Variants in SPATA20 observed in about 807,000 individuals in gnomAD.
SPATA20 encodes the protein spermatogenesis-associated protein 20.
Under a neutral mutation model 98.9 loss-of-function variants are expected in SPATA20, and 74 were observed. The observed-to-expected ratio is 0.75, with a 90% CI of 0.62 to 0.91. The LOEUF is 0.91. SPATA20 is among the 40% of genes least tolerant of loss of function. The pLI is 0.00. For missense variants in SPATA20, 1,016 were observed against 1,069.8 expected, an observed-to-expected ratio of 0.95 and a Z score of 0.70; for synonymous variants, 430 against 440.5, an observed-to-expected ratio of 0.98 and a Z score of 0.30.
chr17:50,552,269 C>G (rs2035029355), intron 14 of SPATA20, 89 bp downstream of exon 14: 10 of 1,044,890 alleles, frequency 9.6e-6, no homozygotes, highest in South Asian at 3.0e-5. Flanking sequence ...GCCCTCCTGG[C>G]TTTGTGTCTC....
Position 50,550,086 on chromosome 17 carries a change from A to G in SPATA20, c.964A>G (p.Asn322Asp). ...CTTGCATACCCTGAAAATGATGGCT[A>G]ACGGGGGCATCCGGGACCATGTGGG... ...MALHTLKMMA[N>D]GGIRDHVGQG... Residue 322 changes from asparagine to aspartate, a missense_variant, in exon 8 of 17, where the codon AAC becomes GAC. Asn to Asp is a conservative substitution (Grantham distance 23). Transcript: ENST00000006658. 16 of 1,612,478 alleles carry G rather than the reference A, an allele frequency of 9.9e-6. No individual in the cohort carries two copies. Among genetic ancestry groups the G allele is most frequent in the Non-Finnish European group, 1.4e-5 (16 of 1,179,218 alleles).
chr17:50,550,964 G>C (rs201599127), intron 11 of SPATA20, 34 bp from the exon 12 acceptor site: 3 of 1,612,076 alleles, frequency 1.9e-6, no homozygotes, highest in Admixed American at 1.7e-5. Context: ...CCTGCCAGGC[G>C]TGTGAGCTCG....
intron 14 of SPATA20, among the ~76,000 whole-genome samples, chr17:50,553,203 A>G (rs866831388): frequency 6.6e-6 from 1 of 152,200 alleles, no homozygotes; most frequent in Non-Finnish European, 1.5e-5. Flanking sequence ...CTCCTCAAAG[A>G]TCAGGACTTT....
rs751073977 is a variant in SPATA20, at chr17:50,550,316, AC to A, written c.1098+8del. 647 of 1,569,108 alleles carry A rather than the reference AC, an allele frequency of 4.1e-4. No individual in the cohort carries two copies. Among genetic ancestry groups the A allele is most frequent in the Non-Finnish European group, 4.0e-4 (457 of 1,152,544 alleles). ...GGCCTATTCGCAGGCCTTCCAGGTG[AC>A]CCCTGACCCCAGCCCAGAGAACAGG... is the stretch of plus-strand genomic sequence containing the variant. On this transcript the variant is annotated splice_donor_5th_base_variant and intron_variant, in intron 9 of 16. Coordinates refer to ENST00000006658, the MANE Select transcript of SPATA20 (RefSeq NM_022827.4).
rs3062812 is a variant in SPATA20, at chr17:50,554,885, CTGTGTGTGTGTG to C, written c.2158-314_2158-303del. Reference sequence around the variant, plus strand: ...GTATCTGCCTCTGTGTGGGCATCTACTGTGTGTGTGTGTGTGTGTGTGTGTGTGTGTGTGTGT... The same window carrying C: ...GTATCTGCCTCTGTGTGGGCATCTACTGTGTGTGTGTGTGTGTGTGTGTGT... On this transcript the variant is annotated intron_variant, in intron 15 of 16. Transcript: ENST00000006658. Among the ~76,000 whole-genome samples the C allele has an allele frequency of 5.3e-3, 748 of 141,542 alleles. 8 individuals carry two copies. Among genetic ancestry groups the C allele is most frequent in the African/African-American group, 0.017 (669 of 39,664 alleles). The allele number at this position is 141,542 out of a possible 152,430, so 92.9% of individuals were successfully genotyped here. A position where few individuals can be genotyped will look rare whatever the true frequency, so the allele number is the denominator to read the frequency against.
rs369765608 is a variant in SPATA20, at chr17:50,551,120, G to A, written c.1506G>A (p.Glu502=). The A allele has an allele frequency of 9.9e-6, 16 of 1,612,308 alleles. No individual in the cohort carries two copies. In the African/African-American group the frequency reaches 1.9e-4, roughly 19 times the overall value. ...GGACCTTGCTCAATTCAGGGCTGGA[G>A]AAGCTCTTCCAGGCCCGGAAGCATC... The part of the protein sequence containing the change: ...AVRTLLNSGL[E]KLFQARKHRP... Residue 502 remains glutamate, a synonymous_variant, in exon 12 of 17, where the codon GAG becomes GAA. Coordinates refer to ENST00000006658, the MANE Select transcript of SPATA20 (RefSeq NM_022827.4).
At position 50,554,364 on chromosome 17, in the gene SPATA20, G is replaced by A. The variant is rs186285074; in HGVS notation, c.2071G>A (p.Ala691Thr). The A allele has an allele frequency of 6.2e-6, 10 of 1,614,144 alleles. No individual in the cohort carries two copies. In the African/African-American group the frequency reaches 1.1e-4, roughly 17 times the overall value. ...WMDKCVCLLT[A>T]FSERMRRVPV... is the part of the protein sequence containing the mutation. ...GGACAAGTGTGTGTGCCTATTGACC[G>A]CCTTTTCCGAGCGCATGCGTCGTGT... Residue 691 changes from alanine (A) to threonine (T), a missense_variant, in exon 15 of 17, where the codon GCC (alanine) becomes ACC (threonine). By Grantham distance (58) the Ala-to-Thr change is moderately conservative. Transcript: ENST00000006658.
Position 50,548,598 on chromosome 17 carries a change from A to G in SPATA20, c.341A>G (p.Asn114Ser). Reference protein sequence around the residue: ...QEAFDKARKENKPIFLSVGYS... With the variant: ...QEAFDKARKESKPIFLSVGYS... ...GCCTTCGACAAGGCCAGGAAGGAAA[A>G]CAAGCCGATTTTCCTCTCAGGTAAT... Residue 114 changes from asparagine (N) to serine (S), a missense_variant, in exon 4 of 17, where the codon AAC becomes AGC. Transcript: ENST00000006658. The G allele has an allele frequency of 6.2e-7, 1 of 1,613,454 alleles. No individual in the cohort carries two copies. Among genetic ancestry groups the G allele is most frequent in the Non-Finnish European group, 8.5e-7 (1 of 1,179,834 alleles).
In SPATA20 at chr17:50,551,627, G is replaced by A; in HGVS notation, c.1693G>A (p.Gly565Ser). 6.2e-7 allele frequency: 1 copy of A among 1,603,312 alleles called. No individual in the cohort carries two copies. ...GCGGCACATGTTTGATGTGGCCAGT[G>A]GCCGCCTGATGCGGACCTGCTACAC... is the stretch of plus-strand genomic sequence containing the variant. ...LKRHMFDVAS[G>S]RLMRTCYTGP... The change falls in exon 13 of 17, where the codon GGC becomes AGC. Residue 565 changes from glycine (G) to serine (S), a missense_variant. Transcript: ENST00000006658.
At chr17:50,547,562 TC>T (rs1268110285) in intron 1 of SPATA20, 157 bp from the exon 2 acceptor site, 20 of 704,924 alleles carry the variant, frequency 2.8e-5, no homozygotes, top group Non-Finnish European at 5.0e-5. Context: ...CAGGAAGCCT[TC>T]CTTGCACCCC....
chr17:50,551,481 C>T, intron 12 of SPATA20, 30 bp from the exon 13 acceptor site: 1 of 1,581,684 alleles, frequency 6.3e-7, no homozygotes, highest in Non-Finnish European at 8.7e-7. Flanking sequence ...TGGCCAGCTT[C>T]TTACCACTAC....
At chr17:50,555,136 T>C (rs2035090547) in intron 15 of SPATA20, 96 bp from the exon 16 acceptor site, 5 of 944,466 alleles carry the variant, frequency 5.3e-6, no homozygotes, top group South Asian at 4.3e-5. Flanking sequence ...CTTAGAGATA[T>C]ACGGTGGGGC....
At position 50,549,446 on chromosome 17, in the gene SPATA20, A is replaced by T; in HGVS notation, c.821A>T (p.Glu274Val). ...CAGCTGGATGAGGGCTATGATGAGG[A>T]ATACGGTGGCTTCGCTGAGGCCCCC... ...FQQLDEGYDE[E>V]YGGFAEAPKF... Residue 274 changes from glutamate (E) to valine (V), a missense_variant, in exon 7 of 17, where the codon GAA (glutamate) becomes GTA (valine). Glu to Val is a moderately radical substitution (Grantham distance 121). Coordinates refer to ENST00000006658, the MANE Select transcript of SPATA20 (RefSeq NM_022827.4). 6.2e-7 allele frequency: 1 copy of T among 1,612,414 alleles called. No individual in the cohort carries two copies. Among genetic ancestry groups the T allele is most frequent in the Non-Finnish European group, 8.5e-7 (1 of 1,179,936 alleles).
At chr17:50,549,249 C>A (rs371334659) in intron 6 of SPATA20, 37 bp from the exon 7 acceptor site, 3 of 1,602,672 alleles carry the variant, frequency 1.9e-6, no homozygotes, top group Middle Eastern at 3.3e-4. Flanking sequence ...AGCCCCTCCC[C>A]CTAGCTGACC....
In SPATA20 at chr17:50,550,331, C is replaced by T. The variant is rs2034991290; in HGVS notation, c.1098+19C>T. On this transcript the variant is annotated intron_variant, in intron 9 of 16. Transcript: ENST00000006658. The stretch of plus-strand genomic sequence containing the variant: ...CTTCCAGGTGACCCCTGACCCCAGC[C>T]CAGAGAACAGGCATCTCACTCTGGC... The T allele has an allele frequency of 6.4e-7, 1 of 1,555,146 alleles. No homozygotes were observed. The highest frequency in any genetic ancestry group is 1.4e-5 in the African/African-American group (1 of 73,892).
At position 50,549,158 on chromosome 17, in the gene SPATA20, G is replaced by T. The variant is rs757229349; in HGVS notation, c.632G>T (p.Arg211Leu). Residue 211 changes from arginine (R) to leucine (L), a missense_variant, in exon 6 of 17, where the codon CGC becomes CTC. Physicochemically the swap from Arg to Leu is moderately radical, Grantham distance 102. Coordinates refer to ENST00000006658, the MANE Select transcript of SPATA20 (RefSeq NM_022827.4). ...PEDGLTRVGF[R>L]TVLLRIREQW... ...GATGGCTTGACCCGAGTCGGCTTCC[G>T]CACAGTGTTGCTGAGAATACGAGAA... is the stretch of plus-strand genomic sequence containing the variant. 10 of 1,605,588 alleles carry T rather than the reference G, an allele frequency of 6.2e-6. No individual in the cohort carries two copies. Among genetic ancestry groups the T allele is most frequent in the African/African-American group, 1.3e-5 (1 of 74,848 alleles).
chr17:50,555,397 G>C (rs1348922510), intron 16 of SPATA20, 85 bp downstream of exon 16: 3 of 1,594,892 alleles, frequency 1.9e-6, no homozygotes, highest in African/African-American at 2.7e-5. Flanking sequence ...CTTCCCCTCA[G>C]AATGTTGGGA....
In SPATA20 at chr17:50,551,638, G is replaced by A. The variant is rs2035017516; in HGVS notation, c.1704G>A (p.Met568Ile). The A allele has an allele frequency of 6.2e-7, 1 of 1,600,134 alleles. No individual in the cohort carries two copies. The highest frequency in any genetic ancestry group is 8.6e-7 in the Non-Finnish European group (1 of 1,168,910). Reference sequence around the variant, plus strand: ...TTGATGTGGCCAGTGGCCGCCTGATGCGGACCTGCTACACCGGCCCTGGGG... The same window carrying A: ...TTGATGTGGCCAGTGGCCGCCTGATACGGACCTGCTACACCGGCCCTGGGG... Reference protein sequence around the residue: ...HMFDVASGRLMRTCYTGPGGT... With the variant: ...HMFDVASGRLIRTCYTGPGGT... Residue 568 changes from methionine (M) to isoleucine (I), a missense_variant, in exon 13 of 17, where the codon ATG (methionine) becomes ATA (isoleucine). Physicochemically the swap from Met to Ile is conservative, Grantham distance 10. Coordinates refer to ENST00000006658, the MANE Select transcript of SPATA20 (RefSeq NM_022827.4).
rs1464493771 is a variant in SPATA20 at position 50,547,323 on chromosome 17, C to G, written c.77+38C>G. On this transcript the variant is annotated intron_variant, in intron 1 of 16. Transcript: ENST00000006658. ...GAGCGGGCCCCTAGGGCACTCCCTGCGCCTGCCTGCGGGCCCAGTGGAGGG... is the reference window on the plus strand; with the variant it reads ...GAGCGGGCCCCTAGGGCACTCCCTGGGCCTGCCTGCGGGCCCAGTGGAGGG... 4 of 1,398,454 alleles carry G rather than the reference C, an allele frequency of 2.9e-6. No individual in the cohort carries two copies. The South Asian group carries it at 6.3e-5, about 22-fold the overall frequency. The allele number at this position is 1,398,454 out of a possible 1,614,324, so 86.6% of individuals were successfully genotyped here. A position where few individuals can be genotyped will look rare whatever the true frequency, so the allele number is the denominator to read the frequency against.
Sources: allele counts gnomAD v4.1 joint callset (sites outside exome capture counted in the v4.1 genomes callset), GRCh38; gene constraint gnomAD v4.1.1; transcripts MANE v1.5; gene names NCBI Gene and HGNC (gene_info 2026-07-23, HGNC 2026-07-21).